The following FGF12 variants were observed in gnomAD, a reference collection of about 807,000 sequenced individuals.
FGF12 encodes the protein fibroblast growth factor 12.
In FGF12, 14 loss-of-function variants were observed where a neutral mutation model predicts 23.6. The observed-to-expected ratio is 0.59, with a 90% CI of 0.39 to 0.93. The LOEUF (loss-of-function observed/expected upper bound fraction) is 0.93. Among genes scored for constraint, FGF12 ranks in the 40% least tolerant of loss-of-function variants. The probability of loss-of-function intolerance (pLI) is 0.00; values close to 1 mark genes in which losing one functional copy is unlikely to be tolerated. For missense variants in FGF12, 175 were observed against 217.8 expected (o/e 0.80, Z 1.24); for synonymous variants, 62 against 77.3 (o/e 0.80, Z 1.04).
chr3:192,519,449 AG>A (rs560018026), intron 2 of FGF12, among the ~76,000 whole-genome samples: 2 of 152,146 alleles, frequency 1.3e-5, no homozygotes, highest in Non-Finnish European at 2.9e-5. Flanking sequence ...TCATTATGGC[AG>A]GGGGGAGGGT....
intron 4 of FGF12, among the ~76,000 whole-genome samples, chr3:192,218,724 C>G (rs2108570544): frequency 6.6e-6 from 1 of 152,340 alleles, no homozygotes; most frequent in Non-Finnish European, 1.5e-5. Flanking sequence ...CAATATGATT[C>G]ACAATTGCAT....
At chr3:192,506,758 T>G (rs1344985549) in intron 2 of FGF12, among the ~76,000 whole-genome samples, 6 of 152,180 alleles carry the variant, frequency 3.9e-5, no homozygotes, top group Non-Finnish European at 8.8e-5. Flanking sequence ...TTGCTAATTT[T>G]TGGCCACAAA....
chr3:192,202,621 T>C (rs971559178), intron 4 of FGF12, among the ~76,000 whole-genome samples: 2 of 152,238 alleles, frequency 1.3e-5, no homozygotes, highest in Non-Finnish European at 2.9e-5. Context: ...TTTTGTCTCA[T>C]ATCCGAATAG....
At chr3:192,710,513 C>A (rs1277627236) in intron 2 of FGF12, among the ~76,000 whole-genome samples, 1 of 152,184 alleles carries the variant, frequency 6.6e-6, no homozygotes, top group African/African-American at 2.4e-5. Flanking sequence ...TCTGAGAAAG[C>A]TGAGGTCCTA....
At chr3:192,688,586 G>C (rs1329037116) in intron 2 of FGF12, among the ~76,000 whole-genome samples, 1 of 152,144 alleles carries the variant, frequency 6.6e-6, no homozygotes, top group Non-Finnish European at 1.5e-5. Flanking sequence ...GCCCAATCCT[G>C]TCTGATCTCA....
chr3:192,541,712 A>C (rs1283356342), intron 2 of FGF12, among the ~76,000 whole-genome samples: 1 of 151,986 alleles, frequency 6.6e-6, no homozygotes, highest in Non-Finnish European at 1.5e-5. Flanking sequence ...GACATGTCTG[A>C]TGTTAATAAA....
intron 2 of FGF12, among the ~76,000 whole-genome samples, chr3:192,723,947 GGGAGGGGAGGAGAGGAA>G (rs1719123958): frequency 1.6e-5 from 2 of 127,264 alleles, no homozygotes; most frequent in African/African-American, 5.9e-5. Flanking sequence ...AGGAAAGGAG[GGGAGGGGAGGAGAGGAA>G]GGAGGGGAGG....
chr3:192,420,824 C>G (rs533182604), intron 2 of FGF12, among the ~76,000 whole-genome samples: 1 of 152,114 alleles, frequency 6.6e-6, no homozygotes, highest in South Asian at 2.1e-4. Flanking sequence ...TAATTATTGG[C>G]AAAAAGAAAG....
intron 2 of FGF12, among the ~76,000 whole-genome samples, chr3:192,661,811 C>T (rs192381021): frequency 1.3e-5 from 2 of 152,264 alleles, no homozygotes; most frequent in Admixed American, 1.3e-4. Context: ...TTCTGCTATC[C>T]AAAACCAATG....
At chr3:192,363,455 C>T (rs565695923) in intron 2 of FGF12, among the ~76,000 whole-genome samples, 1 of 152,084 alleles carries the variant, frequency 6.6e-6, no homozygotes, top group African/African-American at 2.4e-5. Flanking sequence ...ACTCTGAGCA[C>T]CCATCTCTGA....
intron 4 of FGF12, among the ~76,000 whole-genome samples, chr3:192,306,639 C>CT (rs1255875376): frequency 6.6e-6 from 1 of 152,126 alleles, no homozygotes; most frequent in East Asian, 1.9e-4. Flanking sequence ...CCCTGTATTG[C>CT]TGATTGATAT....
Position 192,149,149 on chromosome 3 carries a change from G to A in FGF12, c.428-5022C>T, listed in dbSNP as rs138686322. ...ATATGATAGCAAATGAAGAGTTAAC[G>A]TCCATCCGACATGAGTGTATAAAGA... On this transcript the variant is annotated intron_variant, in intron 5 of 5. Coordinates refer to ENST00000445105, the MANE Select transcript of FGF12 (RefSeq NM_004113.6). Among the ~76,000 whole-genome samples the A allele has an allele frequency of 3.9e-4, 59 of 152,154 alleles. No individual in the cohort carries two copies. The East Asian group carries it at 8.5e-3, about 22-fold the overall frequency.
At chr3:192,645,303 G>A (rs899935103) in intron 2 of FGF12, among the ~76,000 whole-genome samples, 2 of 152,092 alleles carry the variant, frequency 1.3e-5, no homozygotes, top group African/African-American at 4.8e-5. Flanking sequence ...CAGCACAACA[G>A]AGAGAAAAGA....
rs10663419 is a variant in FGF12, at chr3:192,657,420, T to TAAAA, written c.13+69757_13+69760dup. 7.8e-3 allele frequency among the ~76,000 whole-genome samples: 1,131 copies of TAAAA among 144,356 alleles called. 10 individuals carry two copies. The highest frequency in any genetic ancestry group is 0.013 in the African/African-American group (512 of 39,450). 94.7% of individuals were successfully genotyped at this position (144,356 alleles called of 152,430 possible). A position where few individuals can be genotyped will look rare whatever the true frequency, so the allele number is the denominator to read the frequency against. Reference sequence around the variant, plus strand: ...CCTCTTTTTAACTAGAGAGAACTATTAAAAAAAAAAAACAGAGAACTATTA... The same window carrying TAAAA: ...CCTCTTTTTAACTAGAGAGAACTATTAAAAAAAAAAAAAAAACAGAGAACTATTA... On this transcript the variant is annotated intron_variant, in intron 2 of 5. Coordinates refer to ENST00000445105, the MANE Select transcript of FGF12 (RefSeq NM_004113.6).
At position 192,410,162 on chromosome 3, in the gene FGF12, C is replaced by T. The variant is rs1401370683; in HGVS notation, c.14-49624G>A. Among the ~76,000 whole-genome samples, 3 of 152,038 alleles carry T rather than the reference C, an allele frequency of 2.0e-5. 1 individual carries two copies. The South Asian group carries it at 6.2e-4, about 32-fold the overall frequency. On this transcript the variant is annotated intron_variant, in intron 2 of 5. Transcript: ENST00000445105. Reference sequence around the variant, plus strand: ...GAGCGAAAGAGCGCCCAGGTGGGGCCGAGCTGGGGGCCGGGCCCCTGGAGC... The same window carrying T: ...GAGCGAAAGAGCGCCCAGGTGGGGCTGAGCTGGGGGCCGGGCCCCTGGAGC...
intron 2 of FGF12, among the ~76,000 whole-genome samples, chr3:192,520,646 TA>T (rs1031013595): frequency 3.9e-5 from 6 of 152,216 alleles, no homozygotes; most frequent in South Asian, 4.1e-4. Flanking sequence ...TTACTTAAAT[TA>T]TTTTTTTTAT....
rs182484507 is a variant in FGF12, at chr3:192,267,888, G to A, written c.228+67473C>T. On this transcript the variant is annotated intron_variant, in intron 4 of 5. Coordinates refer to ENST00000445105, the MANE Select transcript of FGF12 (RefSeq NM_004113.6). ...TCAAAAATCACAAATTTCTAACAAC[G>A]CACCTTTAATAAGTTTAACACAAAT... Among the ~76,000 whole-genome samples the A allele has an allele frequency of 7.7e-4, 117 of 152,024 alleles. 1 individual carries two copies. Among genetic ancestry groups the A allele is most frequent in the African/African-American group, 2.6e-3 (109 of 41,476 alleles).
At chr3:192,158,380 T>TTCTTTC (rs1560171518) in intron 5 of FGF12, among the ~76,000 whole-genome samples, 2 of 116,782 alleles carry the variant, frequency 1.7e-5, no homozygotes, top group Non-Finnish European at 1.8e-5. Context: ...CTTTCTTTCT[T>TTCTTTC]TCTTTTCTTT....
chr3:192,526,600 G>C (rs1056497663), intron 2 of FGF12, among the ~76,000 whole-genome samples: 2 of 151,956 alleles, frequency 1.3e-5, no homozygotes, highest in African/African-American at 4.8e-5. Context: ...AGTCACTTTT[G>C]TTCCCTTTCA....
Sources: gnomAD v4.1 joint callset for allele counts (sites outside exome capture counted in the v4.1 genomes callset) on GRCh38, gnomAD v4.1.1 for gene constraint, MANE v1.5 for transcripts, NCBI Gene and HGNC (gene_info 2026-07-23, HGNC 2026-07-21) for gene names.